Variants in PRH1 observed in about 807,000 individuals in gnomAD.
PRH1 encodes the protein proline rich protein HaeIII subfamily 1, also known as salivary acidic proline-rich phosphoprotein 1/2.
PRH1 carries 7 observed loss-of-function variants against 7.9 expected under a neutral mutation model. The observed-to-expected ratio is 0.89, with a 90% CI of 0.50 to 1.67. PRH1 has a LOEUF of 1.67. Among genes scored for constraint, PRH1 ranks in the 40% most tolerant of loss-of-function variants. The pLI is 0.00. For missense variants in PRH1, 109 were observed against 223.6 expected (o/e 0.49, Z 3.27); for synonymous variants, 45 against 80.8 (o/e 0.56, Z 2.38).
At chr12:11,089,493 G>T in intron 1 of PRH1, among the ~76,000 whole-genome samples, 1 of 20,240 alleles carries the variant, frequency 4.9e-5, no homozygotes, top group East Asian at 5.7e-3. Flanking sequence ...CTGTGAAGTG[G>T]CTGCCAGCAG....
intron 1 of PRH1, among the ~76,000 whole-genome samples, chr12:11,060,150 TAC>T (rs893344916): frequency 1.3e-5 from 2 of 150,494 alleles, no homozygotes; most frequent in Non-Finnish European, 3.0e-5. Flanking sequence ...CCAAAATTAA[TAC>T]AGTCATGTAG....
intron 1 of PRH1, among the ~76,000 whole-genome samples, chr12:10,993,781 G>T (rs1286683900): frequency 6.6e-6 from 1 of 150,538 alleles, no homozygotes; most frequent in Admixed American, 6.7e-5. Flanking sequence ...TGTGCTCATT[G>T]TGACAGATAA....
intron 1 of PRH1, among the ~76,000 whole-genome samples, chr12:11,139,023 G>A (rs577707244): frequency 5.9e-5 from 9 of 152,294 alleles, no homozygotes; most frequent in Admixed American, 1.3e-4. Flanking sequence ...CTGGACAACA[G>A]AGCAAGACCC....
chr12:11,151,492 T>C (rs1267504158), intron 1 of PRH1, among the ~76,000 whole-genome samples: 1 of 152,204 alleles, frequency 6.6e-6, no homozygotes, highest in Non-Finnish European at 1.5e-5. Context: ...CACAGTCTCC[T>C]TTTAAACACA....
rs142123034 is a variant in PRH1 at position 11,074,658 on chromosome 12, A to C, written n.124-27470T>G. Among the ~76,000 whole-genome samples the C allele has an allele frequency of 1.2e-3, 136 of 115,376 alleles. 30 individuals are homozygous for C. Among genetic ancestry groups the C allele is most frequent in the African/African-American group, 2.9e-3 (100 of 34,444 alleles). The allele number at this position is 115,376 out of a possible 152,430, so 75.7% of individuals were successfully genotyped here. On this transcript the variant is annotated intron_variant and non_coding_transcript_variant, in intron 1 of 4. Transcript: ENST00000541977. ...AGGAAAAGAGACAAAAAATTAAAAA[A>C]AAAACAAAACAAGTATCTCTTAGAA... is the stretch of plus-strand genomic sequence containing the variant.
At chr12:10,948,895 G>T (rs924037781) in intron 2 of PRH1, among the ~76,000 whole-genome samples, 1 of 152,096 alleles carries the variant, frequency 6.6e-6, no homozygotes, top group Non-Finnish European at 1.5e-5. Flanking sequence ...GGCATTTTTG[G>T]TGTTGAAGTT....
chr12:11,167,922 C>T (rs546110948), intron 1 of PRH1, among the ~76,000 whole-genome samples: 1 of 116,564 alleles, frequency 8.6e-6, no homozygotes, highest in East Asian at 2.1e-4. Context: ...CTTCCACATG[C>T]ATGGTTTAAA....
chr12:11,098,875 C>T (rs1294133684), intron 1 of PRH1, among the ~76,000 whole-genome samples: 1 of 152,090 alleles, frequency 6.6e-6, no homozygotes, highest in African/African-American at 2.4e-5. Flanking sequence ...ATTATTTTCT[C>T]AAAATTTCCA....
intron 2 of PRH1, chr12:10,938,231 G>A (rs1280956390): frequency 6.9e-7 from 1 of 1,449,116 alleles, no homozygotes. Flanking sequence ...AATTTCTTAG[G>A]AGCTATTTTT....
intron 1 of PRH1, among the ~76,000 whole-genome samples, chr12:11,025,639 C>T (rs2136084226): frequency 6.6e-6 from 1 of 152,408 alleles, no homozygotes; most frequent in African/African-American, 2.4e-5. Context: ...TTTCTCTCCT[C>T]TAATCTTACA....
rs1203385313 is a variant in PRH1 at position 11,075,548 on chromosome 12, C to T, written n.124-28360G>A. Among the ~76,000 whole-genome samples, 6 of 114,344 alleles carry T rather than the reference C, an allele frequency of 5.2e-5. 2 individuals carry two copies. The highest frequency in any genetic ancestry group is 1.5e-4 in the African/African-American group (5 of 34,056). The allele number at this position is 114,344 out of a possible 152,430, so 75.0% of individuals were successfully genotyped here. ...TTCTTGTGATGGGGTCTGCTAACCC[C>T]GAGCAGCTGGCACTCACAGCTGAAC... On this transcript the variant is annotated intron_variant and non_coding_transcript_variant, in intron 1 of 4. Transcript: ENST00000541977.
chr12:11,155,262 A>T, intron 1 of PRH1, among the ~76,000 whole-genome samples: 1 of 152,196 alleles, frequency 6.6e-6, no homozygotes, highest in Admixed American at 6.5e-5. Flanking sequence ...TCCAAATGCC[A>T]ACTTTCCTAA....
At chr12:11,127,410 T>C (rs1050813132) in intron 1 of PRH1, among the ~76,000 whole-genome samples, 1 of 152,300 alleles carries the variant, frequency 6.6e-6, no homozygotes, top group Non-Finnish European at 1.5e-5. Context: ...CACTGTTATA[T>C]GTAGCTTGGT....
Position 11,167,223 on chromosome 12 carries a change from G to T in PRH1, n.39+4199C>A, listed in dbSNP as rs532843370. 3.3e-5 allele frequency among the ~76,000 whole-genome samples: 5 copies of T among 152,236 alleles called. No homozygotes were observed. The East Asian group carries it at 9.6e-4, about 29-fold the overall frequency. On this transcript the variant is annotated intron_variant and non_coding_transcript_variant, in intron 1 of 1. Transcript: ENST00000541175. The stretch of plus-strand genomic sequence containing the variant: ...TGTCTGTCCTCAACCTTTCCAGTAA[G>T]CATTCGGTAGAAGCCCAAGGGGAAA...
chr12:10,919,378 G>A lies in PRH1; in HGVS notation c.-58-35103C>T, dbSNP rs910164144. On this transcript the variant is annotated intron_variant, in intron 2 of 3. Coordinates refer to the PRH1 transcript ENST00000539853. ...AAGAGAAGTGTTGGAGGACATGAAA[G>A]GTGAGAGGATAGACATGTAACTATT... 1.3e-5 allele frequency among the ~76,000 whole-genome samples: 2 copies of A among 152,114 alleles called. 1 individual carries two copies. Among genetic ancestry groups the A allele is most frequent in the Middle Eastern group, 6.4e-3 (2 of 314 alleles).
intron 2 of PRH1, among the ~76,000 whole-genome samples, chr12:10,964,184 G>A (rs1938389371): frequency 1.3e-5 from 2 of 152,066 alleles, no homozygotes; most frequent in African/African-American, 4.8e-5. Context: ...TCTATAATTT[G>A]GCAGTTTGTA....
chr12:11,104,088 G>A (rs1367800226), intron 1 of PRH1, among the ~76,000 whole-genome samples: 1 of 150,056 alleles, frequency 6.7e-6, no homozygotes, highest in African/African-American at 2.5e-5. Context: ...GTGGACACTA[G>A]GATGTTCCAG....
intron 1 of PRH1, among the ~76,000 whole-genome samples, chr12:11,099,766 T>C (rs947760537): frequency 6.6e-6 from 1 of 152,186 alleles, no homozygotes; most frequent in African/African-American, 2.4e-5. Flanking sequence ...TCTAATGTTT[T>C]AGAGGGTCTT....
At chr12:10,920,908 T>A (rs1270248609) in intron 2 of PRH1, among the ~76,000 whole-genome samples, 1 of 152,142 alleles carries the variant, frequency 6.6e-6, no homozygotes, top group African/African-American at 2.4e-5. Flanking sequence ...TAAACTTGGT[T>A]TGGGTATTTA....
Sources: allele counts gnomAD v4.1 joint callset (sites outside exome capture counted in the v4.1 genomes callset), GRCh38; gene constraint gnomAD v4.1.1; transcripts MANE v1.5; gene names NCBI Gene and HGNC (gene_info 2026-07-23, HGNC 2026-07-21).